The following RORA variants were observed in gnomAD, a reference collection of about 807,000 sequenced individuals.
RORA encodes RAR related orphan receptor A.
A neutral mutation model predicts 69.5 loss-of-function variants in RORA; 7 were observed. The ratio of observed to expected loss-of-function variants is 0.10; its 90% CI spans 0.06 to 0.19. The LOEUF (loss-of-function observed/expected upper bound fraction) is 0.19. Among genes scored for constraint, RORA ranks in the 10% least tolerant of loss-of-function variants. The probability of loss-of-function intolerance (pLI) is 1.00; values close to 1 mark genes in which losing one functional copy is unlikely to be tolerated. For synonymous variants in RORA, 261 were observed against 240.8 expected, an observed-to-expected ratio of 1.08 and a Z score of -0.78; for missense variants, 457 against 663.0, an observed-to-expected ratio of 0.69 and a Z score of 3.41.
intron 1 of RORA, among the ~76,000 whole-genome samples, chr15:60,841,422 GGC>G: frequency 6.6e-6 from 1 of 152,270 alleles, no homozygotes. Context: ...ACTGGCAATG[GGC>G]TCTCTCTGTC....
chr15:60,821,367 C>T (rs774209004), intron 1 of RORA, among the ~76,000 whole-genome samples: 272 of 152,322 alleles, frequency 1.8e-3, no homozygotes, highest in Non-Finnish European at 2.4e-3. Flanking sequence ...TGGGTCCGCT[C>T]CATCTGCTGC....
At chr15:60,759,275 G>A (rs2071849087) in intron 1 of RORA, among the ~76,000 whole-genome samples, 1 of 152,216 alleles carries the variant, frequency 6.6e-6, no homozygotes, top group South Asian at 2.1e-4. Context: ...CCTGGACTAT[G>A]TTTGAGGGTG....
At position 61,226,798 on chromosome 15, in the gene RORA, T is replaced by C. The variant is rs1350308854; in HGVS notation, c.166+2255A>G. Among the ~76,000 whole-genome samples the C allele has an allele frequency of 1.3e-5, 2 of 152,108 alleles. No individual in the cohort carries two copies. The highest frequency in any genetic ancestry group is 2.9e-5 in the Non-Finnish European group (2 of 68,024). On this transcript the variant is annotated intron_variant, in intron 1 of 10. Coordinates refer to ENST00000335670, the MANE Select transcript of RORA (RefSeq NM_134261.3). The surrounding 1 kb of genome is among the most constrained non-coding windows in gnomAD (Gnocchi z 4.2). The stretch of plus-strand genomic sequence containing the variant: ...TGCGTGCAGGATGTGAGTTGAGTGT[T>C]TGGGCCTTACCACCCCCCTCCCATT...
intron 1 of RORA, among the ~76,000 whole-genome samples, chr15:61,081,250 C>A (rs2078534920): frequency 6.6e-6 from 1 of 152,126 alleles, no homozygotes; most frequent in South Asian, 2.1e-4. Flanking sequence ...TCTCTGACTA[C>A]ATGAAAATAC....
chr15:60,669,215 A>G (rs935231514), intron 2 of RORA, among the ~76,000 whole-genome samples: 3 of 152,240 alleles, frequency 2.0e-5, no homozygotes, highest in Admixed American at 6.5e-5. Context: ...TGAAATGGCA[A>G]GAACGGGTCT....
intron 2 of RORA, among the ~76,000 whole-genome samples, chr15:60,621,610 T>C (rs2069409760): frequency 6.6e-6 from 1 of 152,160 alleles, no homozygotes; most frequent in Non-Finnish European, 1.5e-5. Context: ...ACACCTGCTT[T>C]TTAAGCGAGG....
At chr15:61,133,425 T>C (rs2079209689) in intron 1 of RORA, among the ~76,000 whole-genome samples, 2 of 152,102 alleles carry the variant, frequency 1.3e-5, no homozygotes, top group Admixed American at 1.3e-4. Flanking sequence ...AACCACCTTA[T>C]GAAAACAAAA....
intron 1 of RORA, among the ~76,000 whole-genome samples, chr15:60,714,566 T>C (rs144428119): frequency 0.016 from 2,288 of 140,390 alleles, 67 homozygotes; most frequent in African/African-American, 0.056. Context: ...GGTTTCACCA[T>C]ATTGGCCAGG....
intron 3 of RORA, among the ~76,000 whole-genome samples, chr15:60,515,959 ATATTTATATATATT>A (rs1567050900): frequency 0.017 from 537 of 31,050 alleles, 30 homozygotes; most frequent in African/African-American, 0.033. Flanking sequence ...TTATATATTT[ATATTTATATATATT>A]TATATATTTA....
intron 2 of RORA, among the ~76,000 whole-genome samples, chr15:60,609,120 G>A (rs2069022352): frequency 6.6e-6 from 1 of 152,088 alleles, no homozygotes; most frequent in South Asian, 2.1e-4. Context: ...GTCTAGGCAG[G>A]CTGATTCATA....
chr15:60,748,434 G>T (rs373589326), intron 1 of RORA, among the ~76,000 whole-genome samples: 1 of 152,114 alleles, frequency 6.6e-6, no homozygotes, highest in Non-Finnish European at 1.5e-5. Flanking sequence ...TAAAGTAAGA[G>T]GTTCCTCCTC....
intron 1 of RORA, among the ~76,000 whole-genome samples, chr15:61,160,647 T>C (rs2079486712): frequency 6.6e-6 from 1 of 152,050 alleles, no homozygotes; most frequent in South Asian, 2.1e-4. Context: ...GATGAGTGAA[T>C]AAACTATAGA....
rs1157022553 is a variant in RORA at position 60,936,974 on chromosome 15, G to A, written c.167-258288C>T. Among the ~76,000 whole-genome samples, 3 of 152,088 alleles carry A rather than the reference G, an allele frequency of 2.0e-5. No homozygotes were observed. In the East Asian group the frequency reaches 5.8e-4, roughly 29 times the overall value. ...TATGCTCTGTGAAGGAAAGGGTATA[G>A]GTCTTATATTTTTTTTTAATCCAAT... is the stretch of plus-strand genomic sequence containing the variant. On this transcript the variant is annotated intron_variant, in intron 1 of 10. Coordinates refer to ENST00000335670, the MANE Select transcript of RORA (RefSeq NM_134261.3).
intron 1 of RORA, among the ~76,000 whole-genome samples, chr15:60,863,412 G>A (rs1244531619): frequency 1.3e-5 from 2 of 152,230 alleles, no homozygotes; most frequent in East Asian, 3.9e-4. Flanking sequence ...ATTTTCCTCT[G>A]CCTTTCACTA....
chr15:60,511,671 T>C lies in RORA; in HGVS notation c.425-50A>G. 1 of 1,525,330 alleles carries C rather than the reference T, an allele frequency of 6.6e-7. No individual in the cohort carries two copies. Among genetic ancestry groups the C allele is most frequent in the Admixed American group, 2.1e-5 (1 of 46,810 alleles). 94.5% of individuals were successfully genotyped at this position (1,525,330 alleles called of 1,614,324 possible). A position where few individuals can be genotyped will look rare whatever the true frequency, so the allele number is the denominator to read the frequency against. On this transcript the variant is annotated intron_variant, in intron 4 of 10. Coordinates refer to ENST00000335670, the MANE Select transcript of RORA (RefSeq NM_134261.3). This position sits in a 1 kb window ranked among gnomAD's most constrained non-coding sequence, Gnocchi z 6.4. ...CTACATACAATGCGCTTTTCTTCAA[T>C]ATTCTCTCCTGCGAGCTTTGGGGTT... is the stretch of plus-strand genomic sequence containing the variant.
At chr15:60,961,125 T>C (rs563730664) in intron 1 of RORA, among the ~76,000 whole-genome samples, 1 of 152,322 alleles carries the variant, frequency 6.6e-6, no homozygotes, top group South Asian at 2.1e-4. Context: ...TAGATCTCTC[T>C]GGCCTCTCAC....
At chr15:60,742,631 T>G (rs574054794) in intron 1 of RORA, among the ~76,000 whole-genome samples, 4 of 152,344 alleles carry the variant, frequency 2.6e-5, no homozygotes, top group Admixed American at 6.5e-5. Flanking sequence ...AATGTCTCCT[T>G]GATCCCCCCA....
Position 61,059,980 on chromosome 15 carries a change from G to GA in RORA, c.166+169072dup, listed in dbSNP as rs35511859. Among the ~76,000 whole-genome samples the GA allele has an allele frequency of 2.6e-3, 324 of 126,176 alleles. 2 individuals carry two copies. Among genetic ancestry groups the GA allele is most frequent in the African/African-American group, 6.9e-3 (217 of 31,438 alleles). 82.8% of individuals were successfully genotyped at this position (126,176 alleles called of 152,430 possible). A position where few individuals can be genotyped will look rare whatever the true frequency, so the allele number is the denominator to read the frequency against. ...AGAAGAAGAGGAAGAGGAAGAGGAA[G>GA]AGGAAGAGGAAGAAGAAGAAGAAGA... On this transcript the variant is annotated intron_variant, in intron 1 of 10. Coordinates refer to ENST00000335670, the MANE Select transcript of RORA (RefSeq NM_134261.3).
intron 2 of RORA, among the ~76,000 whole-genome samples, chr15:60,617,018 T>C (rs768053421): frequency 6.6e-6 from 1 of 152,242 alleles, no homozygotes; most frequent in African/African-American, 2.4e-5. Flanking sequence ...CAATATAGAA[T>C]TGCTTCTGAA....
Sources: gnomAD v4.1 joint callset for allele counts (sites outside exome capture counted in the v4.1 genomes callset) on GRCh38, gnomAD v4.1.1 for gene constraint, Gnocchi (gnomAD v3.1) non-coding constraint, MANE v1.5 for transcripts, NCBI Gene and HGNC (gene_info 2026-07-23, HGNC 2026-07-21) for gene names.